Variants in LINGO2 observed in about 807,000 individuals in gnomAD.
LINGO2 encodes leucine rich repeat and Ig domain containing 2, also known as leucine-rich repeat and immunoglobulin-like domain-containing nogo receptor-interacting protein 2.
In LINGO2, 14 loss-of-function variants were observed where a neutral mutation model predicts 30.6. That is an observed-to-expected ratio of 0.46 (90% CI 0.30 to 0.72). LINGO2 has a LOEUF of 0.72. LINGO2 is among the 30% of genes least tolerant of loss of function. LINGO2 has a pLI of 0.07. For missense variants in LINGO2, 729 were observed against 751.7 expected, an observed-to-expected ratio of 0.97 and a Z score of 0.35; for synonymous variants, 317 against 288.5, an observed-to-expected ratio of 1.10 and a Z score of -1.00.
the LINGO2 span, among the ~76,000 whole-genome samples, chr9:28,713,581 CA>C: frequency 6.6e-6 from 1 of 152,100 alleles, no homozygotes; most frequent in Non-Finnish European, 1.5e-5. Flanking sequence ...GCATTTCTAA[CA>C]GGGCTTTTTG....
chr9:28,753,310 T>C, the LINGO2 span, among the ~76,000 whole-genome samples: 1 of 152,048 alleles, frequency 6.6e-6, no homozygotes, highest in Non-Finnish European at 1.5e-5. Flanking sequence ...TGGTTTCTTT[T>C]TTCTTATATT....
At chr9:28,759,959 C>G in the LINGO2 span, among the ~76,000 whole-genome samples, 1 of 151,992 alleles carries the variant, frequency 6.6e-6, no homozygotes, top group African/African-American at 2.4e-5. Context: ...CCTGATAGAT[C>G]CAAGACATTT....
downstream of LINGO2, among the ~76,000 whole-genome samples, chr9:27,946,404 C>T (rs1351546732): frequency 2.6e-5 from 4 of 152,068 alleles, no homozygotes; most frequent in East Asian, 7.7e-4. Flanking sequence ...TGAATAGTAA[C>T]AAAATCTTTT....
the LINGO2 span, among the ~76,000 whole-genome samples, chr9:28,950,716 C>T: frequency 6.6e-6 from 1 of 152,002 alleles, no homozygotes; most frequent in Admixed American, 6.6e-5. Flanking sequence ...TCAAGAAGAA[C>T]CCTAAACCAC....
intron 1 of LINGO2, among the ~76,000 whole-genome samples, chr9:28,585,347 G>A (rs1346631478): frequency 6.6e-6 from 1 of 151,886 alleles, no homozygotes; most frequent in Non-Finnish European, 1.5e-5. Flanking sequence ...TGAGGGTATG[G>A]TATAATTCAA....
intron 4 of LINGO2, among the ~76,000 whole-genome samples, chr9:28,059,568 A>C (rs1363721474): frequency 6.6e-6 from 1 of 152,148 alleles, no homozygotes; most frequent in Non-Finnish European, 1.5e-5. Flanking sequence ...GTGAGGAGAC[A>C]GCAGATGATG....
At chr9:28,808,106 A>G in the LINGO2 span, among the ~76,000 whole-genome samples, 1 of 152,196 alleles carries the variant, frequency 6.6e-6, no homozygotes, top group Non-Finnish European at 1.5e-5. Flanking sequence ...AATTTTGAAT[A>G]ATTCCAGTTT....
At chr9:29,185,965 T>C in the LINGO2 span, among the ~76,000 whole-genome samples, 1 of 152,144 alleles carries the variant, frequency 6.6e-6, no homozygotes, top group African/African-American at 2.4e-5. Context: ...TTTTAAAAAA[T>C]AAACACAATG....
At chr9:28,055,461 A>G (rs1049139510) in intron 4 of LINGO2, among the ~76,000 whole-genome samples, 2 of 152,148 alleles carry the variant, frequency 1.3e-5, no homozygotes, top group African/African-American at 4.8e-5. Context: ...GTCTGTTTGC[A>G]TAAAATAAGA....
chr9:28,052,461 G>C (rs1460972467), intron 4 of LINGO2, among the ~76,000 whole-genome samples: 3 of 152,040 alleles, frequency 2.0e-5, no homozygotes, highest in Non-Finnish European at 4.4e-5. Context: ...TGGGACTTCT[G>C]GTTTTCACTA....
chr9:29,033,179 T>G, the LINGO2 span, among the ~76,000 whole-genome samples: 2 of 152,058 alleles, frequency 1.3e-5, no homozygotes, highest in South Asian at 4.1e-4. Context: ...ATGTGAACGA[T>G]GTATGCCAAT....
the LINGO2 span, among the ~76,000 whole-genome samples, chr9:28,714,603 G>T: frequency 6.6e-6 from 1 of 151,978 alleles, no homozygotes; most frequent in Non-Finnish European, 1.5e-5. Context: ...CAGTCATTTT[G>T]GTGTTTTAAT....
intron 4 of LINGO2, among the ~76,000 whole-genome samples, chr9:28,168,036 C>G (rs1828480744): frequency 6.6e-6 from 1 of 152,196 alleles, no homozygotes; most frequent in Admixed American, 6.5e-5. Flanking sequence ...CCTGAAAAGA[C>G]AATTTCTCTG....
At chr9:28,300,868 C>A (rs563064318) in intron 3 of LINGO2, among the ~76,000 whole-genome samples, 5 of 150,452 alleles carry the variant, frequency 3.3e-5, no homozygotes, top group Non-Finnish European at 5.9e-5. Context: ...AGAGGTGCAA[C>A]CTACATTGAA....
chr9:29,014,222 C>T, the LINGO2 span, among the ~76,000 whole-genome samples: 1 of 152,070 alleles, frequency 6.6e-6, no homozygotes, highest in East Asian at 1.9e-4. Context: ...TCTCTACCAC[C>T]ACCAATTTTG....
the LINGO2 span, among the ~76,000 whole-genome samples, chr9:29,090,345 C>T: frequency 6.6e-6 from 1 of 151,976 alleles, no homozygotes; most frequent in Non-Finnish European, 1.5e-5. Flanking sequence ...CTGAAATATT[C>T]CTTCCTCAGT....
At chr9:29,021,712 G>GGAAGGAAGGAAT in the LINGO2 span, among the ~76,000 whole-genome samples, 1 of 148,198 alleles carries the variant, frequency 6.7e-6, no homozygotes, top group Admixed American at 6.8e-5. Flanking sequence ...AAGGAAGGAA[G>GGAAGGAAGGAAT]GAAGGAAGGA....
At chr9:28,508,645 T>G (rs1820248868) in intron 1 of LINGO2, among the ~76,000 whole-genome samples, 1 of 152,130 alleles carries the variant, frequency 6.6e-6, no homozygotes, top group Non-Finnish European at 1.5e-5. Flanking sequence ...ATACATCTTT[T>G]CCTTTATTTG....
the LINGO2 span, among the ~76,000 whole-genome samples, chr9:29,092,174 T>C: frequency 1.3e-5 from 2 of 151,998 alleles, no homozygotes; most frequent in Admixed American, 1.3e-4. Flanking sequence ...ATTTTAATTA[T>C]ACAGATGAGG....
Sources: allele counts gnomAD v4.1 joint callset (sites outside exome capture counted in the v4.1 genomes callset), GRCh38; gene constraint gnomAD v4.1.1; transcripts MANE v1.5; gene names NCBI Gene and HGNC (gene_info 2026-07-23, HGNC 2026-07-21).